Variants in ITPR1 observed in about 807,000 individuals in gnomAD.
ITPR1 encodes the protein inositol 1,4,5-trisphosphate-gated calcium channel ITPR1.
A neutral mutation model predicts 318.4 loss-of-function variants in ITPR1; 96 were observed. The observed-to-expected ratio is 0.30, with a 90% confidence interval of 0.26 to 0.36. The LOEUF (loss-of-function observed/expected upper bound fraction) is 0.36. Ranked by LOEUF, ITPR1 falls within the 10% of genes least tolerant of loss-of-function variation. The pLI is 1.00. For synonymous variants in ITPR1, 1,312 were observed against 1,289.9 expected (o/e 1.02, Z -0.37); for missense variants, 2,440 against 3,460.2 (o/e 0.71, Z 7.40).
intron 2 of ITPR1, among the ~76,000 whole-genome samples, chr3:4,508,540 AAGTGAGTTTTCTGCCACAGTCAAATG>A (rs927000391): frequency 4.6e-5 from 7 of 151,074 alleles, no homozygotes; most frequent in African/African-American, 1.7e-4. Flanking sequence ...AAATTTCAAT[AAGTGAGTTTTCTGCCACAGTCAAATG>A]AGTGAGTTTT....
intron 35 of ITPR1, among the ~76,000 whole-genome samples, chr3:4,701,877 T>C (rs2094660072): frequency 6.6e-6 from 1 of 152,226 alleles, no homozygotes; most frequent in Non-Finnish European, 1.5e-5. Context: ...TTTTATTTTC[T>C]TAAAATAGAC....
chr3:4,710,502 A>G lies in ITPR1; in HGVS notation c.4991+29A>G. The G allele has an allele frequency of 1.3e-6, 2 of 1,546,606 alleles. No individual in the cohort carries two copies. The highest frequency in any genetic ancestry group is 2.4e-5 in the South Asian group (2 of 83,692). ...AGCGGCCTCTCTCTCTGGGGTGTTCATTTGCCAGAACCTTGATGACCTCAC... is the reference window on the plus strand; with the variant it reads ...AGCGGCCTCTCTCTCTGGGGTGTTCGTTTGCCAGAACCTTGATGACCTCAC... On this transcript the variant is annotated intron_variant, in intron 38 of 61. Transcript: ENST00000649015. The surrounding 1 kb of genome is among the most constrained non-coding windows in gnomAD (Gnocchi z 4.2).
At chr3:4,528,035 A>G (rs1004346475) in intron 4 of ITPR1, among the ~76,000 whole-genome samples, 5 of 152,140 alleles carry the variant, frequency 3.3e-5, no homozygotes, top group African/African-American at 7.2e-5. Flanking sequence ...TCAATAGCCT[A>G]CTTCTCTGAT....
intron 4 of ITPR1, among the ~76,000 whole-genome samples, chr3:4,568,326 T>C (rs1393323120): frequency 6.6e-6 from 1 of 152,222 alleles, no homozygotes; most frequent in Non-Finnish European, 1.5e-5. Context: ...TTTTTCTATT[T>C]TAACTTCTCT....
intron 9 of ITPR1, 53 bp from the exon 10 acceptor site, chr3:4,645,529 A>G: frequency 6.2e-7 from 1 of 1,607,480 alleles, no homozygotes; most frequent in Non-Finnish European, 8.5e-7. Flanking sequence ...GCAGCAGTCT[A>G]ATTCTCTTTT....
At position 4,766,720 on chromosome 3, in the gene ITPR1, C is replaced by T; in HGVS notation, c.5725+10C>T. 1 of 1,584,906 alleles carries T rather than the reference C, an allele frequency of 6.3e-7. No individual in the cohort carries two copies. The highest frequency in any genetic ancestry group is 8.6e-7 in the Non-Finnish European group (1 of 1,164,726). On this transcript the variant is annotated intron_variant, in intron 45 of 61. Coordinates refer to ENST00000649015, the MANE Select transcript of ITPR1 (RefSeq NM_001378452.1). ...CCATCACGGAAAAAAGGTAAATGTT[C>T]CTCAGTCTTCAGTCAGCTGGATCAT...
chr3:4,751,059 A>T (rs141751044), intron 44 of ITPR1: 1 of 152,786 alleles, frequency 6.5e-6, no homozygotes, highest in East Asian at 1.9e-4. Flanking sequence ...GTCTGTTGCT[A>T]GTTGGACAGT....
chr3:4,685,195 C>A lies in ITPR1; in HGVS notation c.3691C>A (p.Pro1231Thr). The A allele has an allele frequency of 6.2e-7, 1 of 1,602,764 alleles. No homozygotes were observed. The highest frequency in any genetic ancestry group is 1.1e-5 in the South Asian group (1 of 89,716). Residue 1231 changes from proline to threonine, a missense_variant, in exon 30 of 62, where the codon CCC (proline) becomes ACC (threonine). By Grantham distance (38) the Pro-to-Thr change is conservative. Coordinates refer to ENST00000649015, the MANE Select transcript of ITPR1 (RefSeq NM_001378452.1). ...HAVVLELLQI[P>T]YEKAEDTKMQ... ...CGTGGTGCTGGAGCTGCTGCAGATT[C>A]CCTATGAGAAGGTGAGCGGTGCCTC...
chr3:4,570,062 T>G (rs565884179), intron 4 of ITPR1, among the ~76,000 whole-genome samples: 5 of 152,170 alleles, frequency 3.3e-5, no homozygotes, highest in Non-Finnish European at 7.4e-5. Flanking sequence ...TTGCGTATTT[T>G]TACACTCATA....
intron 4 of ITPR1, among the ~76,000 whole-genome samples, chr3:4,603,402 A>G (rs923623176): frequency 6.6e-6 from 1 of 151,424 alleles, no homozygotes; most frequent in Non-Finnish European, 1.5e-5. Flanking sequence ...TATGTACCAC[A>G]TTTTCTTTTC....
In ITPR1 at chr3:4,571,792, A is replaced by G. The variant is rs546054395; in HGVS notation, c.163+50698A>G. Among the ~76,000 whole-genome samples the G allele has an allele frequency of 5.9e-5, 9 of 152,322 alleles. No homozygotes were observed. The East Asian group carries it at 1.5e-3, about 26-fold the overall frequency. ...GGCCTATAAAAATAGGAAACCTAGA[A>G]TGGGCAGGTCTCACCAGAACTGGGA... On this transcript the variant is annotated intron_variant, in intron 4 of 61. Coordinates refer to ENST00000649015, the MANE Select transcript of ITPR1 (RefSeq NM_001378452.1).
At chr3:4,715,091 A>C (rs2041669310) in intron 39 of ITPR1, among the ~76,000 whole-genome samples, 1 of 152,196 alleles carries the variant, frequency 6.6e-6, no homozygotes, top group Non-Finnish European at 1.5e-5. Flanking sequence ...ATACGCAAGG[A>C]AGAGAAAACA....
At chr3:4,838,688 G>C (rs1470993894) in intron 61 of ITPR1, among the ~76,000 whole-genome samples, 1 of 152,198 alleles carries the variant, frequency 6.6e-6, no homozygotes, top group African/African-American at 2.4e-5. Context: ...AGGCATTCTA[G>C]CTCTCACATG....
chr3:4,516,578 C>A lies in ITPR1; in HGVS notation c.87C>A (p.Thr29=). Residue 29 remains threonine, a synonymous_variant, in exon 3 of 62, where the codon ACC becomes ACA. Transcript: ENST00000649015. ...AEGSTNGFIS[T]LGLVDDRCVV... is the part of the protein sequence containing the mutation. ...GATCGACAAATGGATTTATTAGCAC[C>A]TTGGGGTAAGAGCATGCAATTTCTT... 1 of 1,592,214 alleles carries A rather than the reference C, an allele frequency of 6.3e-7. No homozygotes were observed. Among genetic ancestry groups the A allele is most frequent in the Non-Finnish European group, 8.6e-7 (1 of 1,164,744 alleles).
In ITPR1 at chr3:4,813,365, G is replaced by C. The variant is rs149030527; in HGVS notation, c.7561+131G>C. 1.1e-5 allele frequency: 7 copies of C among 621,122 alleles called. No individual in the cohort carries two copies. The East Asian group carries it at 1.9e-4, about 17-fold the overall frequency. The allele number at this position is 621,122 out of a possible 1,614,324, so 38.5% of individuals were successfully genotyped here. A position where few individuals can be genotyped will look rare whatever the true frequency, so the allele number is the denominator to read the frequency against. ...GGCTATAGCAAAGGGGAAAGGCTGA[G>C]AAAGAGGAGGGAGATGAAGGGAAAA... is the stretch of plus-strand genomic sequence containing the variant. On this transcript the variant is annotated intron_variant, in intron 57 of 61. Coordinates refer to ENST00000649015, the MANE Select transcript of ITPR1 (RefSeq NM_001378452.1).
At chr3:4,730,858 T>C (rs966125948) in intron 42 of ITPR1, among the ~76,000 whole-genome samples, 3 of 152,134 alleles carry the variant, frequency 2.0e-5, no homozygotes, top group African/African-American at 7.2e-5. Context: ...CCTATGCTCT[T>C]TCAGATTCCC....
At chr3:4,562,751 CG>C (rs1315741351) in intron 4 of ITPR1, among the ~76,000 whole-genome samples, 2 of 150,314 alleles carry the variant, frequency 1.3e-5, no homozygotes, top group African/African-American at 2.4e-5. Context: ...AAATCAAGTG[CG>C]TGCAGTGCAC....
intron 44 of ITPR1, among the ~76,000 whole-genome samples, chr3:4,736,519 G>A (rs891850502): frequency 9.9e-5 from 15 of 152,156 alleles, no homozygotes; most frequent in Non-Finnish European, 1.3e-4. Context: ...TCCAATCCCC[G>A]CTTCCCCCAA....
At chr3:4,673,737 C>T (rs1051885391) in intron 21 of ITPR1, among the ~76,000 whole-genome samples, 9 of 152,106 alleles carry the variant, frequency 5.9e-5, no homozygotes, top group African/African-American at 1.9e-4. Flanking sequence ...CGCCCACCAC[C>T]ACGCCCGGCT....
Sources: allele counts gnomAD v4.1 joint callset (sites outside exome capture counted in the v4.1 genomes callset), GRCh38; gene constraint gnomAD v4.1.1; non-coding constraint Gnocchi (gnomAD v3.1); transcripts MANE v1.5; gene names NCBI Gene and HGNC (gene_info 2026-07-23, HGNC 2026-07-21).